Variants in CFAP47 observed in about 807,000 individuals in gnomAD.
The protein encoded by CFAP47 is cilia and flagella associated protein 47.
In CFAP47, 29 loss-of-function variants were observed where a neutral mutation model predicts 148.1. The ratio of observed to expected loss-of-function variants is 0.20; its 90% CI spans 0.15 to 0.27. The LOEUF (loss-of-function observed/expected upper bound fraction) is 0.27, where lower values mean the gene tolerates loss of function less well. Among genes scored for constraint, CFAP47 ranks in the 10% least tolerant of loss-of-function variants. The pLI, the probability that CFAP47 is intolerant of heterozygous loss-of-function variation, is 1.00. For synonymous variants in CFAP47, 664 were observed against 577.3 expected (o/e 1.15, Z -2.15); for missense variants, 1,872 against 1,697.5 (o/e 1.10, Z -1.81).
chrX:36,280,837 C>T (rs1160315064), intron 50 of CFAP47, among the ~76,000 whole-genome samples: 2 of 111,903 alleles, frequency 1.8e-5, no homozygotes, highest in Admixed American at 1.9e-4. Context: ...TATCAAAATA[C>T]TTCAGCTAGA....
chrX:36,028,134 T>G (rs2146716365), intron 22 of CFAP47, among the ~76,000 whole-genome samples: 1 of 111,667 alleles, frequency 9.0e-6, no homozygotes, highest in Non-Finnish European at 1.9e-5. Flanking sequence ...TTTATTTTGC[T>G]GTTCAGAGGC....
chrX:36,043,739 C>G (rs1158406321), intron 25 of CFAP47, among the ~76,000 whole-genome samples: 2 of 111,734 alleles, frequency 1.8e-5, no homozygotes, highest in African/African-American at 6.5e-5. Flanking sequence ...GCACATGGTG[C>G]AAGCTGTTGG....
At chrX:35,997,521 G>T in intron 19 of CFAP47, 132 bp downstream of exon 19, 1 of 236,095 alleles carries the variant, frequency 4.2e-6, no homozygotes, top group East Asian at 6.4e-5. Flanking sequence ...TATATACAAA[G>T]TTAAAAATTA....
rs1042461893 is a variant in CFAP47, at chrX:36,014,636, T to A, written c.3418-138T>A. 5.3e-5 allele frequency: 13 copies of A among 247,576 alleles called. No individual in the cohort carries two copies. In the South Asian group the frequency reaches 7.8e-4, roughly 15 times the overall value. 20.4% of individuals were successfully genotyped at this position (247,576 alleles called of 1,213,427 possible). A position where few individuals can be genotyped will look rare whatever the true frequency, so the allele number is the denominator to read the frequency against. On this transcript the variant is annotated intron_variant, in intron 21 of 63. Coordinates refer to ENST00000378653, the MANE Select transcript of CFAP47 (RefSeq NM_001304548.2). ...CATTAAAAATGAACCATCTTTTTTT[T>A]AAAAATGTAGTTCAATGTCGCAAGA...
chrX:35,951,852 A>G lies in CFAP47; in HGVS notation c.935A>G (p.Tyr312Cys). 1 of 1,166,651 alleles carries G rather than the reference A, an allele frequency of 8.6e-7. No homozygotes were observed. The highest frequency in any genetic ancestry group is 2.4e-4 in the Middle Eastern group (1 of 4,193). Residue 312 changes from tyrosine (Y) to cysteine (C), a missense_variant, in exon 6 of 64, where the codon TAC becomes TGC. Physicochemically the swap from Tyr to Cys is radical, Grantham distance 194 (BLOSUM62 -2). Coordinates refer to ENST00000378653, the MANE Select transcript of CFAP47 (RefSeq NM_001304548.2). ...GATATTGCTTTAAATAATCTCACCTACATAAGAAAAATAAAGAACATAGAT... is the reference window on the plus strand; with the variant it reads ...GATATTGCTTTAAATAATCTCACCTGCATAAGAAAAATAAAGAACATAGAT... ...RTDIALNNLT[Y>C]IRKIKNIDTT...
chrX:36,371,556 T>C (rs1941935137), intron 62 of CFAP47, among the ~76,000 whole-genome samples: 1 of 102,480 alleles, frequency 9.8e-6, no homozygotes, highest in African/African-American at 3.5e-5. Flanking sequence ...TGTGTATATA[T>C]ATGTGTATAT....
intron 2 of CFAP47, among the ~76,000 whole-genome samples, chrX:35,929,786 G>A (rs1935798043): frequency 9.0e-6 from 1 of 110,878 alleles, no homozygotes; most frequent in Non-Finnish European, 1.9e-5. Context: ...ATCACTTGAG[G>A]CCAGGAGTTC....
rs751867718 is a variant in CFAP47, at chrX:36,075,800, C to T, written c.4691+2436C>T. On this transcript the variant is annotated intron_variant, in intron 29 of 63. Transcript: ENST00000378653. ...GCATGCGGTATTTGGTTTTTTTGTT[C>T]CTGTGTTTATTCATTTAAGATAATG... is the stretch of plus-strand genomic sequence containing the variant. Among the ~76,000 whole-genome samples, 7 of 111,291 alleles carry T rather than the reference C, an allele frequency of 6.3e-5. No homozygotes were observed. The Middle Eastern group carries it at 0.014, about 220-fold the overall frequency.
intron 57 of CFAP47, among the ~76,000 whole-genome samples, chrX:36,332,291 C>A (rs897080632): frequency 1.1e-4 from 7 of 60,936 alleles, no homozygotes; most frequent in African/African-American, 8.4e-4. Flanking sequence ...TACAACTGAA[C>A]TAAAATTATC....
At chrX:36,116,098 T>G (rs897281560) in intron 33 of CFAP47, among the ~76,000 whole-genome samples, 2 of 112,118 alleles carry the variant, frequency 1.8e-5, no homozygotes, top group African/African-American at 3.2e-5. Context: ...AGGGGACTTG[T>G]GCATTTTTGT....
intron 30 of CFAP47, among the ~76,000 whole-genome samples, chrX:36,086,225 T>C (rs1340454252): frequency 8.9e-6 from 1 of 112,053 alleles, no homozygotes; most frequent in Non-Finnish European, 1.9e-5. Flanking sequence ...CAATGTACAT[T>C]TACATTCTGA....
intron 62 of CFAP47, among the ~76,000 whole-genome samples, chrX:36,375,981 T>C (rs1465146305): frequency 2.7e-5 from 3 of 111,881 alleles, no homozygotes; most frequent in African/African-American, 9.8e-5. Context: ...TGACTCTGGG[T>C]CAAGAAGCAA....
At chrX:36,204,098 G>A (rs1304940891) in intron 44 of CFAP47, among the ~76,000 whole-genome samples, 1 of 111,309 alleles carries the variant, frequency 9.0e-6, no homozygotes, top group African/African-American at 3.3e-5. Context: ...TGATGGGGTC[G>A]TTTGTTTTTT....
At position 36,218,683 on chromosome X, in the gene CFAP47, C is replaced by T. The variant is rs1400203915; in HGVS notation, c.6818-9945C>T. Among the ~76,000 whole-genome samples, 38 of 111,846 alleles carry T rather than the reference C, an allele frequency of 3.4e-4. No homozygotes were observed. In the Admixed American group the frequency reaches 3.6e-3, roughly 11 times the overall value. ...GTGACCATAGACAGGAGAACAATCTCAGGAGGTCTTGAGAAAGTGCCTGAG... is the reference window on the plus strand; with the variant it reads ...GTGACCATAGACAGGAGAACAATCTTAGGAGGTCTTGAGAAAGTGCCTGAG... On this transcript the variant is annotated intron_variant, in intron 45 of 63. Transcript: ENST00000378653.
intron 48 of CFAP47, among the ~76,000 whole-genome samples, chrX:36,249,301 G>A (rs1435926708): frequency 2.7e-5 from 3 of 110,990 alleles, no homozygotes; most frequent in African/African-American, 9.8e-5. Context: ...CAGAAAAAGA[G>A]AGAATACTCA....
intron 19 of CFAP47, among the ~76,000 whole-genome samples, chrX:35,999,521 C>T (rs140689151): frequency 9.0e-6 from 1 of 111,663 alleles, no homozygotes; most frequent in Non-Finnish European, 1.9e-5. Context: ...CGCTAAGGTC[C>T]AGTAGAAGAG....
chrX:35,920,142 T>G (rs1935555784), intron 1 of CFAP47, 94 bp downstream of exon 1: 3 of 982,012 alleles, frequency 3.1e-6, no homozygotes, highest in Non-Finnish European at 4.1e-6. Context: ...ATCTGGCTCC[T>G]GCCGGGATGG....
At chrX:35,951,985 T>G in intron 6 of CFAP47, 22 bp downstream of exon 6, 1 of 1,141,968 alleles carries the variant, frequency 8.8e-7, no homozygotes, top group South Asian at 2.1e-5. Context: ...TTAATTTCAT[T>G]GTAATGTTAA....
At chrX:36,282,890 G>A (rs1941094759) in intron 50 of CFAP47, among the ~76,000 whole-genome samples, 1 of 111,582 alleles carries the variant, frequency 9.0e-6, no homozygotes. Flanking sequence ...TAAGGAATTT[G>A]TTAGAATATT....
Sources: gnomAD v4.1 joint callset for allele counts (sites outside exome capture counted in the v4.1 genomes callset) on GRCh38, gnomAD v4.1.1 for gene constraint, MANE v1.5 for transcripts, NCBI Gene and HGNC (gene_info 2026-07-23, HGNC 2026-07-21) for gene names.